The following STIMATE variants were observed in gnomAD, a reference collection of about 807,000 sequenced individuals.
STIMATE encodes the protein store-operated calcium entry regulator STIMATE.
In STIMATE, 15 loss-of-function variants were observed where a neutral mutation model predicts 36.7. The observed-to-expected ratio is 0.41, with a 90% CI of 0.27 to 0.63. The LOEUF is 0.63. STIMATE is among the 20% of genes least tolerant of loss of function. The probability of loss-of-function intolerance (pLI) is 0.32; values close to 1 mark genes in which losing one functional copy is unlikely to be tolerated. For synonymous variants in STIMATE, 163 were observed against 162.3 expected, an observed-to-expected ratio of 1.00 and a Z score of -0.03; for missense variants, 305 against 397.3, an observed-to-expected ratio of 0.77 and a Z score of 1.98.
At chr3:52,874,361 G>A (rs1020940876) in intron 1 of STIMATE, among the ~76,000 whole-genome samples, 2 of 152,118 alleles carry the variant, frequency 1.3e-5, no homozygotes, top group African/African-American at 2.4e-5. Flanking sequence ...TCATTAAAAC[G>A]GTCAATGTGT....
intron 5 of STIMATE, among the ~76,000 whole-genome samples, 197 bp downstream of exon 5, chr3:52,844,632 G>C (rs1431508287): frequency 2.0e-5 from 3 of 152,248 alleles, no homozygotes; most frequent in South Asian, 2.1e-4. Context: ...GCTTCATCTA[G>C]AACAGACATT....
intron 1 of STIMATE, 67 bp from the exon 2 acceptor site, chr3:52,855,511 G>A (rs1475566945): frequency 6.2e-7 from 1 of 1,607,178 alleles, no homozygotes. Context: ...CACATAACAA[G>A]CTGGGTTATC....
intron 6 of STIMATE, chr3:52,843,176 A>C (rs2106649566): frequency 1.1e-6 from 1 of 899,284 alleles, no homozygotes. Flanking sequence ...TGTGCAAGGA[A>C]CGTGCCCTGA....
Position 52,840,620 on chromosome 3 carries a change from T to C in STIMATE, c.769-10A>G, listed in dbSNP as rs569131204. ...CCGCTGAGATCAGGATCTGAGGCAG[T>C]AGAGAGGCAGGGCCTGAGTCACCCC... On this transcript the variant is annotated splice_polypyrimidine_tract_variant and intron_variant, in intron 7 of 7. Coordinates refer to ENST00000355083, the MANE Select transcript of STIMATE (RefSeq NM_198563.5). 104 of 1,611,090 alleles carry C rather than the reference T, an allele frequency of 6.5e-5. No homozygotes were observed. Among genetic ancestry groups the C allele is most frequent in the Middle Eastern group, 3.3e-4 (2 of 6,040 alleles).
intron 1 of STIMATE, among the ~76,000 whole-genome samples, chr3:52,872,125 T>C (rs886173920): frequency 6.6e-6 from 1 of 152,084 alleles, no homozygotes; most frequent in Non-Finnish European, 1.5e-5. Context: ...CCTTGTCCCA[T>C]CCCTCAGTCT....
At chr3:52,840,693 G>T in intron 7 of STIMATE, 83 bp from the exon 8 acceptor site, 85 of 1,117,214 alleles carry the variant, frequency 7.6e-5, no homozygotes, top group Middle Eastern at 2.7e-4. Flanking sequence ...GGCCCTTCAA[G>T]TCTCATGTTT....
At chr3:52,891,695 G>A (rs1701784839) in intron 1 of STIMATE, among the ~76,000 whole-genome samples, 1 of 151,042 alleles carries the variant, frequency 6.6e-6, no homozygotes, top group Non-Finnish European at 1.5e-5. Context: ...TTTTTTCACT[G>A]CCATGCACTC....
At chr3:52,881,696 C>T (rs2336666) in intron 1 of STIMATE, among the ~76,000 whole-genome samples, 36,829 of 152,018 alleles carry the variant, frequency 0.24, 4,788 homozygotes, top group Admixed American at 0.37. Context: ...AGTGAGACTC[C>T]GTCTCTAAAT....
At chr3:52,874,024 T>C (rs1440720633) in intron 1 of STIMATE, among the ~76,000 whole-genome samples, 1 of 152,228 alleles carries the variant, frequency 6.6e-6, no homozygotes, top group Non-Finnish European at 1.5e-5. Flanking sequence ...GGCATATCTA[T>C]CACGATTTTA....
At chr3:52,844,982 C>A in intron 4 of STIMATE, 41 bp from the exon 5 acceptor site, 2 of 1,603,100 alleles carry the variant, frequency 1.2e-6, no homozygotes, top group Non-Finnish European at 1.7e-6. Context: ...GGGGCCCAGG[C>A]ATCTGAGTGA....
At chr3:52,865,192 G>A (rs189981904) in intron 1 of STIMATE, among the ~76,000 whole-genome samples, 24 of 152,206 alleles carry the variant, frequency 1.6e-4, no homozygotes, top group Admixed American at 4.6e-4. Flanking sequence ...TGATCCACCC[G>A]CCTTGGCCTC....
intron 1 of STIMATE, among the ~76,000 whole-genome samples, chr3:52,864,346 C>G (rs1034840410): frequency 6.6e-6 from 1 of 152,240 alleles, no homozygotes; most frequent in Non-Finnish European, 1.5e-5. Flanking sequence ...AAGCCACAGC[C>G]TGAGCTCTAC....
chr3:52,857,218 G>C (rs1701115372), intron 1 of STIMATE, among the ~76,000 whole-genome samples: 1 of 152,234 alleles, frequency 6.6e-6, no homozygotes, highest in South Asian at 2.1e-4. Context: ...TGTTTAGAGA[G>C]ACATGTTGAG....
intron 4 of STIMATE, 70 bp from the exon 5 acceptor site, chr3:52,845,011 C>A: frequency 1.3e-6 from 2 of 1,517,738 alleles, no homozygotes; most frequent in South Asian, 1.2e-5. Flanking sequence ...CCCCACCCCA[C>A]TCCCCCACAC....
chr3:52,881,681 G>A (rs1338910800), intron 1 of STIMATE, among the ~76,000 whole-genome samples: 1 of 152,150 alleles, frequency 6.6e-6, no homozygotes, highest in African/African-American at 2.4e-5. Flanking sequence ...CAGCCCGGGC[G>A]ACAGAGTGAG....
intron 1 of STIMATE, among the ~76,000 whole-genome samples, chr3:52,888,127 C>T (rs895057308): frequency 6.7e-6 from 1 of 148,990 alleles, no homozygotes; most frequent in African/African-American, 2.5e-5. Flanking sequence ...TCTTTAGGAC[C>T]GTAACACATG....
At chr3:52,857,037 GA>G (rs1701112164) in intron 1 of STIMATE, among the ~76,000 whole-genome samples, 1 of 152,226 alleles carries the variant, frequency 6.6e-6, no homozygotes, top group East Asian at 1.9e-4. Context: ...TGGTGGGCAA[GA>G]ACCAACTTCT....
rs759223265 is a variant in STIMATE at position 52,842,821 on chromosome 3, G to C, written c.758C>G (p.Ser253Cys). 1 of 1,614,246 alleles carries C rather than the reference G, an allele frequency of 6.2e-7. No individual in the cohort carries two copies. Among genetic ancestry groups the C allele is most frequent in the Non-Finnish European group, 8.5e-7 (1 of 1,180,046 alleles). The change falls in exon 7 of 8, where the codon TCT (serine) becomes TGT (cysteine). Residue 253 changes from serine to cysteine, a missense_variant. Physicochemically the swap from Ser to Cys is moderately radical, Grantham distance 112. Transcript: ENST00000355083. ...TCAGGGAGGCCCTACCTCAGACTCA[G>C]ACTCCTCGTGGGATGCGGCCCTCCG... ...RYRRAASHEE[S>C]ESEILISADD...
chr3:52,840,455 C>T lies in STIMATE; in HGVS notation c.*39G>A, dbSNP rs1700775904. 1 of 1,605,656 alleles carries T rather than the reference C, an allele frequency of 6.2e-7. No individual in the cohort carries two copies. The highest frequency in any genetic ancestry group is 1.7e-5 in the Admixed American group (1 of 59,708). ...CGGGATGACCTCTGCACACCAGCGG[C>T]TGGCGGGGCCCTCCCGTCACCCCCA... On this transcript the variant is annotated 3_prime_UTR_variant, in exon 8 of 8. Transcript: ENST00000355083.
Sources: allele counts gnomAD v4.1 joint callset (sites outside exome capture counted in the v4.1 genomes callset), GRCh38; gene constraint gnomAD v4.1.1; transcripts MANE v1.5; gene names NCBI Gene and HGNC (gene_info 2026-07-23, HGNC 2026-07-21).